The following GALNT13 variants were observed in gnomAD, a reference collection of about 807,000 sequenced individuals.
The protein encoded by GALNT13 is UDP-GalNAc:polypeptide N-acetylgalactosaminyltransferase 13.
In GALNT13, 28 loss-of-function variants were observed where a neutral mutation model predicts 64.2. The observed-to-expected ratio is 0.44, with a 90% CI of 0.32 to 0.60. GALNT13 has a LOEUF of 0.60. GALNT13 is among the 20% of genes least tolerant of loss of function. The probability of loss-of-function intolerance (pLI) is 0.05; values close to 1 mark genes in which losing one functional copy is unlikely to be tolerated. For synonymous variants in GALNT13, 214 were observed against 224.6 expected (o/e 0.95, Z 0.42); for missense variants, 577 against 669.8 (o/e 0.86, Z 1.53).
In GALNT13 at chr2:153,957,429, G is replaced by A. The variant is rs751787019; in HGVS notation, c.142+12790G>A. Among the ~76,000 whole-genome samples the A allele has an allele frequency of 2.6e-5, 4 of 152,202 alleles. No homozygotes were observed. The South Asian group carries it at 6.2e-4, about 24-fold the overall frequency. The stretch of plus-strand genomic sequence containing the variant: ...GGCAGCTGCTTGTCTGCCACTGTGG[G>A]AAGCCATCTGCAGGGACAATGGTCC... On this transcript the variant is annotated intron_variant, in intron 3 of 12. Coordinates refer to ENST00000392825, the MANE Select transcript of GALNT13 (RefSeq NM_052917.4).
chr2:154,209,343 T>C lies in GALNT13; in HGVS notation c.312-32687T>C, dbSNP rs1413754121. Among the ~76,000 whole-genome samples, 3 of 152,320 alleles carry C rather than the reference T, an allele frequency of 2.0e-5. No individual in the cohort carries two copies. In the East Asian group the frequency reaches 5.8e-4, roughly 29 times the overall value. On this transcript the variant is annotated intron_variant, in intron 4 of 12. Coordinates refer to ENST00000392825, the MANE Select transcript of GALNT13 (RefSeq NM_052917.4). ...TGTAATGAAAGCTAAGGATTTTTTC[T>C]TCCAAGCAAAATGCTTGCATGCAAA...
chr2:153,718,686 T>TC, the GALNT13 span, among the ~76,000 whole-genome samples: 7 of 152,152 alleles, frequency 4.6e-5, no homozygotes, highest in Non-Finnish European at 7.4e-5. Context: ...AGGACTTTTT[T>TC]CTACCCTCAC....
the GALNT13 span, among the ~76,000 whole-genome samples, chr2:153,636,057 G>T: frequency 2.6e-5 from 4 of 152,156 alleles, no homozygotes; most frequent in South Asian, 8.3e-4. Context: ...TTCACATTTG[G>T]TGATTACATT....
chr2:153,480,313 A>G, the GALNT13 span, among the ~76,000 whole-genome samples: 5 of 152,126 alleles, frequency 3.3e-5, no homozygotes, highest in South Asian at 2.1e-4. Flanking sequence ...GCACTGCTTC[A>G]TGACTATCAT....
At chr2:154,267,928 A>G (rs1033545563) in intron 8 of GALNT13, among the ~76,000 whole-genome samples, 12 of 152,208 alleles carry the variant, frequency 7.9e-5, no homozygotes, top group African/African-American at 2.4e-4. Context: ...TTAAACCACA[A>G]TGAGATTACA....
chr2:154,068,288 A>T (rs1574443943), intron 3 of GALNT13, among the ~76,000 whole-genome samples: 1 of 151,948 alleles, frequency 6.6e-6, no homozygotes, highest in Non-Finnish European at 1.5e-5. Flanking sequence ...TACAAGTACT[A>T]TGGAGAACAC....
chr2:154,246,280 G>A (rs1270188916), intron 7 of GALNT13, among the ~76,000 whole-genome samples: 2 of 151,984 alleles, frequency 1.3e-5, no homozygotes, highest in Non-Finnish European at 2.9e-5. Context: ...TGCTAGCCTT[G>A]ACACTTCAAG....
intron 3 of GALNT13, among the ~76,000 whole-genome samples, chr2:154,071,929 T>C (rs1700758549): frequency 6.6e-6 from 1 of 152,096 alleles, no homozygotes; most frequent in Admixed American, 6.6e-5. Flanking sequence ...TGATGTGCCT[T>C]ACAATGAGAA....
intron 9 of GALNT13, among the ~76,000 whole-genome samples, chr2:154,325,930 C>T (rs1486981887): frequency 6.6e-6 from 1 of 152,128 alleles, no homozygotes; most frequent in Non-Finnish European, 1.5e-5. Flanking sequence ...TAGACCCACA[C>T]TCCGAGGGCG....
the GALNT13 span, among the ~76,000 whole-genome samples, chr2:153,646,465 A>G: frequency 1.4e-5 from 2 of 145,502 alleles, no homozygotes; most frequent in East Asian, 2.0e-4. Context: ...TTATATATAT[A>G]TATATATTTT....
chr2:153,873,366 C>T (rs951242232), intron 1 of GALNT13, among the ~76,000 whole-genome samples: 1 of 152,264 alleles, frequency 6.6e-6, no homozygotes, highest in African/African-American at 2.4e-5. Context: ...GGCTGCTACT[C>T]TGGACAGCGA....
intron 3 of GALNT13, among the ~76,000 whole-genome samples, chr2:154,066,548 C>A (rs1445235366): frequency 6.6e-6 from 1 of 151,910 alleles, no homozygotes; most frequent in East Asian, 1.9e-4. Flanking sequence ...TCAGTGGAAA[C>A]CCTACAGGCC....
chr2:154,423,181 G>A (rs1045937184), intron 11 of GALNT13, among the ~76,000 whole-genome samples: 3 of 151,026 alleles, frequency 2.0e-5, no homozygotes, highest in Non-Finnish European at 4.4e-5. Flanking sequence ...TCTGTCTTGT[G>A]ATAGTTTGCT....
chr2:153,107,755 A>G, the GALNT13 span, among the ~76,000 whole-genome samples: 2 of 152,168 alleles, frequency 1.3e-5, no homozygotes, highest in South Asian at 4.1e-4. Flanking sequence ...TCCAAAATAT[A>G]CACTTGAGAA....
the GALNT13 span, among the ~76,000 whole-genome samples, chr2:153,496,943 G>A: frequency 8.4e-5 from 12 of 143,262 alleles, no homozygotes; most frequent in South Asian, 2.4e-3. Flanking sequence ...GCAGTGAACT[G>A]AGATTGCACC....
the GALNT13 span, among the ~76,000 whole-genome samples, chr2:153,456,617 C>T: frequency 1.3e-5 from 2 of 152,286 alleles, no homozygotes; most frequent in East Asian, 3.9e-4. Context: ...TAGCAATGAG[C>T]ATCAATCTGT....
chr2:153,296,388 TAAC>T, the GALNT13 span, among the ~76,000 whole-genome samples: 1 of 152,166 alleles, frequency 6.6e-6, no homozygotes, highest in Non-Finnish European at 1.5e-5. Flanking sequence ...CTTGCAAAAT[TAAC>T]AACTTCCTTA....
chr2:153,720,531 C>G, the GALNT13 span, among the ~76,000 whole-genome samples: 1 of 149,970 alleles, frequency 6.7e-6, no homozygotes, highest in South Asian at 2.1e-4. Flanking sequence ...GGAGGACATT[C>G]AAACCAAAGG....
At chr2:154,253,448 T>C (rs935412625) in intron 7 of GALNT13, among the ~76,000 whole-genome samples, 1 of 152,212 alleles carries the variant, frequency 6.6e-6, no homozygotes, top group Non-Finnish European at 1.5e-5. Flanking sequence ...ATGCATACTT[T>C]TTTGAGACTT....
Sources: gnomAD v4.1 joint callset for allele counts (sites outside exome capture counted in the v4.1 genomes callset) on GRCh38, gnomAD v4.1.1 for gene constraint, MANE v1.5 for transcripts, NCBI Gene and HGNC (gene_info 2026-07-23, HGNC 2026-07-21) for gene names.